MTHFD1L: variants seen among roughly 807,000 people sequenced by gnomAD.
MTHFD1L encodes methylenetetrahydrofolate dehydrogenase (NADP+ dependent) 1 like.
In MTHFD1L, 81 loss-of-function variants were observed where a neutral mutation model predicts 119.5. That is an observed-to-expected ratio of 0.68 (90% CI 0.57 to 0.82). The LOEUF (loss-of-function observed/expected upper bound fraction) is 0.82, where lower values mean the gene tolerates loss of function less well. Ranked by LOEUF, MTHFD1L falls within the 40% of genes least tolerant of loss-of-function variation. MTHFD1L has a pLI of 0.00. For missense variants in MTHFD1L, 1,125 were observed against 1,253.4 expected, an observed-to-expected ratio of 0.90 and a Z score of 1.55; for synonymous variants, 430 against 475.2, an observed-to-expected ratio of 0.90 and a Z score of 1.24.
At chr6:151,068,418 A>T (rs1395595409) in intron 26 of MTHFD1L, among the ~76,000 whole-genome samples, 1 of 152,250 alleles carries the variant, frequency 6.6e-6, no homozygotes, top group Non-Finnish European at 1.5e-5. Flanking sequence ...CATAGTTAAT[A>T]ACGCTGCCAG....
At chr6:150,965,723 A>G (rs529108678) in intron 19 of MTHFD1L, among the ~76,000 whole-genome samples, 1 of 151,500 alleles carries the variant, frequency 6.6e-6, no homozygotes, top group South Asian at 2.1e-4. Flanking sequence ...CATGTTTACA[A>G]TTTATTTTCT....
chr6:151,078,311 G>A (rs183027576), intron 26 of MTHFD1L, among the ~76,000 whole-genome samples: 14 of 152,176 alleles, frequency 9.2e-5, no homozygotes, highest in Admixed American at 7.2e-4. Context: ...AGGTGTGGTG[G>A]CCTGTAGTCC....
chr6:150,865,741 C>CGCT lies in MTHFD1L; in HGVS notation c.-80_-79insTGC. 1 of 1,157,532 alleles carries CGCT rather than the reference C, an allele frequency of 8.6e-7. No homozygotes were observed. Among genetic ancestry groups the CGCT allele is most frequent in the Non-Finnish European group, 1.1e-6 (1 of 938,178 alleles). The allele number at this position is 1,157,532 out of a possible 1,614,324, so 71.7% of individuals were successfully genotyped here. On this transcript the variant is annotated 5_prime_UTR_variant, in exon 1 of 28. Transcript: ENST00000367321. Reference sequence around the variant, plus strand: ...TCCTTCCCGCCGCCGCCGCCGCCGCCGCCGCCTGCTCCCCTGGCACGCGCC... The same window carrying CGCT: ...TCCTTCCCGCCGCCGCCGCCGCCGCCGCTGCCGCCTGCTCCCCTGGCACGCGCC...
chr6:151,084,567 C>T (rs1793540292), intron 26 of MTHFD1L, among the ~76,000 whole-genome samples: 1 of 152,202 alleles, frequency 6.6e-6, no homozygotes. Flanking sequence ...GTGTGGGCCA[C>T]TGTGCCTGGC....
chr6:150,947,364 G>C (rs9371480), intron 15 of MTHFD1L, among the ~76,000 whole-genome samples: 1 of 151,250 alleles, frequency 6.6e-6, no homozygotes, highest in Non-Finnish European at 1.5e-5. Flanking sequence ...CAAAGTGCTG[G>C]GATTACAGGC....
At chr6:150,918,064 CTTTTTTTTT>C (rs397887884) in intron 8 of MTHFD1L, among the ~76,000 whole-genome samples, 1 of 121,986 alleles carries the variant, frequency 8.2e-6, no homozygotes, top group Non-Finnish European at 1.7e-5. Flanking sequence ...CTTAGATGGC[CTTTTTTTTT>C]TTTTTTTTTT....
At chr6:150,967,112 GC>G (rs1164744192) in intron 19 of MTHFD1L, among the ~76,000 whole-genome samples, 2 of 117,270 alleles carry the variant, frequency 1.7e-5, no homozygotes, top group African/African-American at 5.3e-5. Context: ...AAAACCTCCT[GC>G]CCCCACCTGC....
At chr6:150,973,421 T>C (rs984458095) in intron 20 of MTHFD1L, among the ~76,000 whole-genome samples, 5 of 152,194 alleles carry the variant, frequency 3.3e-5, no homozygotes, top group South Asian at 4.1e-4. Flanking sequence ...CTAGACATAC[T>C]GTCTAAGTGG....
chr6:150,952,272 C>T (rs924144508), intron 16 of MTHFD1L, among the ~76,000 whole-genome samples: 19 of 152,150 alleles, frequency 1.2e-4, no homozygotes, highest in Non-Finnish European at 2.9e-5. Context: ...AGTAGTTTGG[C>T]TCTTATGACC....
chr6:150,912,664 G>C (rs1233505624), intron 8 of MTHFD1L: 1 of 503,068 alleles, frequency 2.0e-6, no homozygotes, highest in South Asian at 1.5e-5. Context: ...TTTTCTTTTT[G>C]CAGAAAGTTT....
chr6:151,009,775 G>T, intron 20 of MTHFD1L, 44 bp from the exon 21 acceptor site: 2 of 1,608,058 alleles, frequency 1.2e-6, no homozygotes, highest in Non-Finnish European at 1.7e-6. Flanking sequence ...ACCTACCTTT[G>T]TTTTTAGAAG....
intron 20 of MTHFD1L, among the ~76,000 whole-genome samples, chr6:150,997,781 A>G (rs1017918365): frequency 3.9e-5 from 6 of 152,152 alleles, no homozygotes; most frequent in African/African-American, 1.4e-4. Context: ...AAAAAACAAA[A>G]CAAAAAAAAT....
intron 17 of MTHFD1L, 54 bp from the exon 18 acceptor site, chr6:150,960,221 T>C (rs1347648559): frequency 6.5e-7 from 1 of 1,546,788 alleles, no homozygotes; most frequent in Non-Finnish European, 8.7e-7. Flanking sequence ...CTTGTGGGAA[T>C]GGCCATCCCA....
intron 26 of MTHFD1L, among the ~76,000 whole-genome samples, chr6:151,041,005 A>G (rs894259322): frequency 6.6e-6 from 1 of 152,122 alleles, no homozygotes; most frequent in African/African-American, 2.4e-5. Context: ...CCTCTGTGTC[A>G]TTATCTGGTC....
intron 24 of MTHFD1L, among the ~76,000 whole-genome samples, chr6:151,034,239 TAAG>T (rs923939419): frequency 2.0e-5 from 3 of 151,978 alleles, no homozygotes; most frequent in Non-Finnish European, 4.4e-5. Flanking sequence ...TACAACTAGA[TAAG>T]AAGCCTCTAA....
intron 4 of MTHFD1L, among the ~76,000 whole-genome samples, chr6:150,880,569 G>A (rs1366761352): frequency 6.6e-6 from 1 of 152,248 alleles, no homozygotes; most frequent in Non-Finnish European, 1.5e-5. Flanking sequence ...ACATGGGAAT[G>A]CAGACGGCTT....
At chr6:151,086,886 T>G (rs1460532195) in intron 26 of MTHFD1L, among the ~76,000 whole-genome samples, 1 of 152,176 alleles carries the variant, frequency 6.6e-6, no homozygotes, top group Non-Finnish European at 1.5e-5. Context: ...ATTCAGAAAA[T>G]ACTCCTGCTT....
intron 24 of MTHFD1L, among the ~76,000 whole-genome samples, chr6:151,021,747 A>G (rs1273843764): frequency 6.6e-6 from 1 of 152,244 alleles, no homozygotes; most frequent in Non-Finnish European, 1.5e-5. Context: ...CTAAAGCACT[A>G]CTGAACTAAA....
chr6:151,056,349 G>C (rs1789919526), intron 26 of MTHFD1L, among the ~76,000 whole-genome samples: 1 of 152,156 alleles, frequency 6.6e-6, no homozygotes, highest in Non-Finnish European at 1.5e-5. Flanking sequence ...TGACGTGCTG[G>C]GCATGGGAGC....
Sources: gnomAD v4.1 joint callset for allele counts (sites outside exome capture counted in the v4.1 genomes callset) on GRCh38, gnomAD v4.1.1 for gene constraint, MANE v1.5 for transcripts, NCBI Gene and HGNC (gene_info 2026-07-23, HGNC 2026-07-21) for gene names.